The following LY96 variants were observed in gnomAD, a reference collection of about 807,000 sequenced individuals.
LY96 encodes the protein myeloid differentiation protein-2.
In LY96, 18 loss-of-function variants were observed where a neutral mutation model predicts 18.9. The ratio of observed to expected loss-of-function variants is 0.95; its 90% CI spans 0.66 to 1.41. The LOEUF is 1.41. Ranked by LOEUF, LY96 falls within the 40% of genes most tolerant of loss-of-function variation. The pLI is 0.00. For synonymous variants in LY96, 66 were observed against 62.6 expected, an observed-to-expected ratio of 1.06 and a Z score of -0.26; for missense variants, 175 against 182.4, an observed-to-expected ratio of 0.96 and a Z score of 0.23.
chr8:74,015,647 A>G (rs773539703), intron 3 of LY96, among the ~76,000 whole-genome samples: 2 of 152,214 alleles, frequency 1.3e-5, no homozygotes, highest in Admixed American at 6.5e-5. Flanking sequence ...TAGGGCTTCA[A>G]CATATCTTTT....
the LY96 span, among the ~76,000 whole-genome samples, chr8:74,098,076 G>A: frequency 6.6e-6 from 1 of 152,118 alleles, no homozygotes; most frequent in Admixed American, 6.6e-5. Flanking sequence ...AATAGCTGGG[G>A]GACTGTCTCA....
At chr8:74,080,998 C>CTTTG in the LY96 span, among the ~76,000 whole-genome samples, 6 of 115,278 alleles carry the variant, frequency 5.2e-5, no homozygotes, top group African/African-American at 2.9e-4. Flanking sequence ...TTCTTTCTTT[C>CTTTG]TTTCTTTCTT....
At chr8:74,063,588 G>C in the LY96 span, among the ~76,000 whole-genome samples, 1 of 151,994 alleles carries the variant, frequency 6.6e-6, no homozygotes, top group Non-Finnish European at 1.5e-5. Flanking sequence ...ATTTACATCT[G>C]TTCACCTAGA....
At chr8:74,096,176 A>G in the LY96 span, among the ~76,000 whole-genome samples, 22 of 152,182 alleles carry the variant, frequency 1.4e-4, no homozygotes. Context: ...CATCCCTTGC[A>G]TGGATTCTTG....
Position 74,002,084 on chromosome 8 carries a change from T to TC in LY96, c.113-2712_113-2711insC, listed in dbSNP as rs1491210469. On this transcript the variant is annotated intron_variant, in intron 1 of 4. Coordinates refer to ENST00000284818, the MANE Select transcript of LY96 (RefSeq NM_015364.5). ...CTTCCTTCCTTCCTTCCTTTCTTTC[T>TC]TTCTTTCTTTCTCTCTCTCTCTCTC... Among the ~76,000 whole-genome samples, 18 of 35,520 alleles carry TC rather than the reference T, an allele frequency of 5.1e-4. 3 individuals carry two copies. Among genetic ancestry groups the TC allele is most frequent in the Admixed American group, 1.2e-3 (3 of 2,424 alleles). The allele number at this position is 35,520 out of a possible 152,430, so 23.3% of individuals were successfully genotyped here. A position where few individuals can be genotyped will look rare whatever the true frequency, so the allele number is the denominator to read the frequency against.
chr8:74,060,798 G>A, the LY96 span, among the ~76,000 whole-genome samples: 1 of 152,178 alleles, frequency 6.6e-6, no homozygotes, highest in African/African-American at 2.4e-5. Context: ...GTTTCCTCAG[G>A]AGAAGTAAAC....
chr8:74,022,640 G>T (rs183840082), intron 3 of LY96, among the ~76,000 whole-genome samples: 2 of 148,804 alleles, frequency 1.3e-5, no homozygotes, highest in African/African-American at 2.5e-5. Context: ...GTGCAATGGC[G>T]CAGTCTCAGC....
chr8:74,053,105 A>T, the LY96 span, among the ~76,000 whole-genome samples: 14 of 152,266 alleles, frequency 9.2e-5, no homozygotes, highest in East Asian at 2.5e-3. Flanking sequence ...TGTAGTCCCT[A>T]TTTCAGCAAG....
At chr8:74,090,253 A>G in the LY96 span, among the ~76,000 whole-genome samples, 4 of 152,286 alleles carry the variant, frequency 2.6e-5, no homozygotes, top group East Asian at 7.7e-4. Context: ...GGAAAACCAT[A>G]AACTCCCAGG....
At chr8:74,071,404 T>C in the LY96 span, among the ~76,000 whole-genome samples, 1 of 152,196 alleles carries the variant, frequency 6.6e-6, no homozygotes, top group Non-Finnish European at 1.5e-5. Flanking sequence ...CTCTTTAATG[T>C]AGGGCACTGC....
rs71778489 is a variant in LY96, at chr8:74,022,467, CA to C, written c.332-4312del. ...TAAGACAGACAAAACAATTGAAAAACAAAAAAAAAAGGGTTCTATCCAACAG... is the reference window on the plus strand; with the variant it reads ...TAAGACAGACAAAACAATTGAAAAACAAAAAAAAAGGGTTCTATCCAACAG... On this transcript the variant is annotated intron_variant, in intron 3 of 4. Coordinates refer to ENST00000284818, the MANE Select transcript of LY96 (RefSeq NM_015364.5). Among the ~76,000 whole-genome samples the C allele has an allele frequency of 1.2e-4, 17 of 145,746 alleles. 1 individual carries two copies. The highest frequency in any genetic ancestry group is 2.7e-4 in the Admixed American group (4 of 14,668).
the LY96 span, among the ~76,000 whole-genome samples, chr8:74,089,797 T>C: frequency 6.6e-6 from 1 of 151,948 alleles, no homozygotes; most frequent in South Asian, 2.1e-4. Flanking sequence ...CTGTTATGAT[T>C]TCAGGAAAGG....
intron 3 of LY96, among the ~76,000 whole-genome samples, chr8:74,015,657 T>C (rs1563716698): frequency 2.6e-5 from 4 of 152,168 alleles, no homozygotes; most frequent in Non-Finnish European, 5.9e-5. Flanking sequence ...ACATATCTTT[T>C]TGGGGGACAC....
chr8:74,023,626 T>TCCCTCAG (rs1816812629), intron 3 of LY96, among the ~76,000 whole-genome samples: 1 of 151,848 alleles, frequency 6.6e-6, no homozygotes, highest in African/African-American at 2.4e-5. Flanking sequence ...TGCTGAGGGG[T>TCCCTCAG]CATTCCCTCA....
chr8:74,080,302 G>T, the LY96 span, among the ~76,000 whole-genome samples: 1 of 152,144 alleles, frequency 6.6e-6, no homozygotes, highest in Non-Finnish European at 1.5e-5. Flanking sequence ...ATATTCCCAA[G>T]CCCTGAGTAC....
At chr8:74,042,175 A>T in the LY96 span, among the ~76,000 whole-genome samples, 1 of 152,338 alleles carries the variant, frequency 6.6e-6, no homozygotes, top group Admixed American at 6.5e-5. Flanking sequence ...TTAATTAAAA[A>T]TAACAAAGGC....
At chr8:74,021,425 G>T (rs1816757646) in intron 3 of LY96, among the ~76,000 whole-genome samples, 1 of 152,198 alleles carries the variant, frequency 6.6e-6, no homozygotes, top group South Asian at 2.1e-4. Context: ...GAAACAATAG[G>T]TGCTGCAGAG....
chr8:74,095,929 G>A, the LY96 span, among the ~76,000 whole-genome samples: 14 of 152,158 alleles, frequency 9.2e-5, no homozygotes, highest in African/African-American at 3.1e-4. Context: ...CCACCTTCAC[G>A]TGTCTGAAAC....
At chr8:74,089,824 C>G in the LY96 span, among the ~76,000 whole-genome samples, 2 of 152,050 alleles carry the variant, frequency 1.3e-5, no homozygotes, top group Non-Finnish European at 2.9e-5. Flanking sequence ...AGAAGGGCCT[C>G]ACGAATCATG....
Sources: gnomAD v4.1 joint callset for allele counts (sites outside exome capture counted in the v4.1 genomes callset) on GRCh38, gnomAD v4.1.1 for gene constraint, MANE v1.5 for transcripts, NCBI Gene and HGNC (gene_info 2026-07-23, HGNC 2026-07-21) for gene names.